The following FAAH2 variants were observed in gnomAD, a reference collection of about 807,000 sequenced individuals.
FAAH2 encodes the protein fatty acid amide hydrolase 2.
FAAH2 carries 60 observed loss-of-function variants against 36.9 expected under a neutral mutation model. That is an observed-to-expected ratio of 1.63 (90% confidence interval 1.32 to 2.02). The LOEUF (loss-of-function observed/expected upper bound fraction) is 2.02. Among genes scored for constraint, FAAH2 ranks in the 30% most tolerant of loss-of-function variants. The probability of loss-of-function intolerance (pLI) is 0.00; values close to 1 mark genes in which losing one functional copy is unlikely to be tolerated. For synonymous variants in FAAH2, 214 were observed against 143.8 expected (o/e 1.49, Z -3.49); for missense variants, 689 against 397.5 (o/e 1.73, Z -6.23).
At chrX:57,406,892 C>G (rs1460731635) in intron 7 of FAAH2, among the ~76,000 whole-genome samples, 1 of 112,689 alleles carries the variant, frequency 8.9e-6, no homozygotes, top group African/African-American at 3.2e-5. Flanking sequence ...TGCACTTGCA[C>G]CAGCCCCCAG....
chrX:57,178,154 A>G, the FAAH2 span, among the ~76,000 whole-genome samples: 2 of 111,223 alleles, frequency 1.8e-5, no homozygotes, highest in African/African-American at 6.5e-5. Context: ...GTGGGAAGGG[A>G]GTGAAATAGA....
At chrX:57,285,709 G>A (rs1367757882), upstream of FAAH2, among the ~76,000 whole-genome samples, 3 of 111,729 alleles carry the variant, frequency 2.7e-5, no homozygotes, top group Non-Finnish European at 5.6e-5. Flanking sequence ...GGGATAGAAG[G>A]GGTTAGGGAT....
intron 10 of FAAH2, among the ~76,000 whole-genome samples, chrX:57,482,575 G>A (rs2057399086): frequency 9.1e-6 from 1 of 110,118 alleles, no homozygotes; most frequent in African/African-American, 3.3e-5. Flanking sequence ...TGGACCCACT[G>A]CCTAACCAGT....
chrX:57,216,598 GTATATATATACGTA>G, the FAAH2 span, among the ~76,000 whole-genome samples: 4 of 4,682 alleles, frequency 8.5e-4, no homozygotes, highest in Non-Finnish European at 1.2e-3. Context: ...GTATATATAT[GTATATATATACGTA>G]TATATATATA....
chrX:57,200,379 C>CT, the FAAH2 span, among the ~76,000 whole-genome samples: 621 of 82,470 alleles, frequency 7.5e-3, 4 homozygotes, highest in Admixed American at 8.4e-3. Flanking sequence ...CATACTTTCA[C>CT]TTTTTTTTTT....
At chrX:57,329,505 A>C (rs1270242312) in intron 3 of FAAH2, among the ~76,000 whole-genome samples, 1 of 109,783 alleles carries the variant, frequency 9.1e-6, no homozygotes, top group Non-Finnish European at 1.9e-5. Context: ...TCTGCTTGCC[A>C]ATGATCTGAC....
chrX:57,473,963 G>C (rs747971583), intron 10 of FAAH2, among the ~76,000 whole-genome samples: 5 of 111,154 alleles, frequency 4.5e-5, no homozygotes, highest in African/African-American at 1.3e-4. Flanking sequence ...TTGTGACTCT[G>C]TATCCTTTAA....
At chrX:57,320,292 A>T (rs1432774358) in intron 3 of FAAH2, among the ~76,000 whole-genome samples, 3 of 112,239 alleles carry the variant, frequency 2.7e-5, no homozygotes, top group Admixed American at 1.9e-4. Context: ...TAATATCCAG[A>T]ATCTACAAGA....
At chrX:57,256,624 C>T in the FAAH2 span, among the ~76,000 whole-genome samples, 1 of 111,839 alleles carries the variant, frequency 8.9e-6, no homozygotes, top group African/African-American at 3.3e-5. Context: ...CCATTCAGGA[C>T]ATAGGCATGG....
chrX:57,466,150 C>A lies in FAAH2; in HGVS notation c.1423+17432C>A, dbSNP rs866489822. ...ATTATCTCTCTCTCTCTCTCTCTCT[C>A]TCTCTCTATATATATATATATATAT... On this transcript the variant is annotated intron_variant, in intron 10 of 10. Coordinates refer to ENST00000374900, the MANE Select transcript of FAAH2 (RefSeq NM_174912.4). Among the ~76,000 whole-genome samples, 558 of 75,543 alleles carry A rather than the reference C, an allele frequency of 7.4e-3. 6 individuals carry two copies. Among genetic ancestry groups the A allele is most frequent in the East Asian group, 0.034 (80 of 2,339 alleles). The allele number at this position is 75,543 out of a possible 115,157, so 65.6% of individuals were successfully genotyped here.
intron 5 of FAAH2, among the ~76,000 whole-genome samples, chrX:57,368,040 A>G (rs1295120316): frequency 9.0e-6 from 1 of 111,313 alleles, no homozygotes; most frequent in African/African-American, 3.3e-5. Context: ...CACCATGCTC[A>G]TACCTAGTAG....
In FAAH2 at chrX:57,330,362, G is replaced by A. The variant is rs138109372; in HGVS notation, c.413-1236G>A. On this transcript the variant is annotated intron_variant, in intron 3 of 10. Transcript: ENST00000374900. ...GAAATAAATCCCAGTCTCCCATAGC[G>A]CTCCCAGGCTTATTAGGAAAAGGAA... is the stretch of plus-strand genomic sequence containing the variant. Among the ~76,000 whole-genome samples the A allele has an allele frequency of 1.9e-3, 208 of 111,275 alleles. 2 individuals are homozygous for A. Among genetic ancestry groups the A allele is most frequent in the African/African-American group, 5.9e-3 (181 of 30,588 alleles).
intron 2 of FAAH2, among the ~76,000 whole-genome samples, chrX:57,299,163 T>A (rs1384602984): frequency 9.0e-6 from 1 of 111,527 alleles, no homozygotes; most frequent in Non-Finnish European, 1.9e-5. Flanking sequence ...AAAAGAGAAT[T>A]TTAGACCAAT....
rs762983309 is a variant in FAAH2, at chrX:57,440,275, G to C, written c.1117-6653G>C. On this transcript the variant is annotated intron_variant, in intron 8 of 10. Transcript: ENST00000374900. ...ATTTGTTTGTGTCCTCTTTTATTTC[G>C]TTGAGAGGTGGTTTGTAGTTCTCCT... 4.0e-3 allele frequency among the ~76,000 whole-genome samples: 449 copies of C among 110,980 alleles called. 3 individuals carry two copies. The highest frequency in any genetic ancestry group is 7.0e-3 in the Non-Finnish European group (371 of 52,857).
chrX:57,432,747 T>C (rs1257977058), intron 8 of FAAH2, among the ~76,000 whole-genome samples: 1 of 111,580 alleles, frequency 9.0e-6, no homozygotes, highest in East Asian at 2.8e-4. Context: ...ATGGGAATAT[T>C]TGTGTTAGAG....
intron 8 of FAAH2, among the ~76,000 whole-genome samples, chrX:57,443,190 A>G (rs1274835982): frequency 8.9e-6 from 1 of 111,934 alleles, no homozygotes; most frequent in Non-Finnish European, 1.9e-5. Context: ...CTCCTGGATA[A>G]TATCCTGAAG....
At position 57,477,073 on chromosome X, in the gene FAAH2, A is replaced by G. The variant is rs184018856; in HGVS notation, c.1424-11684A>G. On this transcript the variant is annotated intron_variant, in intron 10 of 10. Coordinates refer to ENST00000374900, the MANE Select transcript of FAAH2 (RefSeq NM_174912.4). The stretch of plus-strand genomic sequence containing the variant: ...GCCTTTATCATTTTTTATTATGTCT[A>G]TTTGTTTGTTCTCTATTTTTTTCAT... Among the ~76,000 whole-genome samples, 494 of 108,503 alleles carry G rather than the reference A, an allele frequency of 4.6e-3. 3 individuals carry two copies. The highest frequency in any genetic ancestry group is 8.4e-3 in the Non-Finnish European group (436 of 52,168). The allele number at this position is 108,503 out of a possible 115,157, so 94.2% of individuals were successfully genotyped here.
At chrX:57,214,815 GAA>G in the FAAH2 span, among the ~76,000 whole-genome samples, 1 of 111,255 alleles carries the variant, frequency 9.0e-6, no homozygotes, top group South Asian at 3.8e-4. Context: ...ATAGTTCTGT[GAA>G]AACTCCAGCA....
the FAAH2 span, among the ~76,000 whole-genome samples, chrX:57,163,264 A>T: frequency 2.7e-5 from 3 of 111,745 alleles, no homozygotes; most frequent in Admixed American, 1.9e-4. Context: ...CTCTCTTCAA[A>T]GCTGTCAGAC....
Sources: gnomAD v4.1 joint callset for allele counts (sites outside exome capture counted in the v4.1 genomes callset) on GRCh38, gnomAD v4.1.1 for gene constraint, MANE v1.5 for transcripts, NCBI Gene and HGNC (gene_info 2026-07-23, HGNC 2026-07-21) for gene names.